Variants in KIFAP3 observed in about 807,000 individuals in gnomAD.
KIFAP3 encodes the protein kinesin associated protein 3.
In KIFAP3, 68 loss-of-function variants were observed where a neutral mutation model predicts 106.5. The ratio of observed to expected loss-of-function variants is 0.64; its 90% CI spans 0.53 to 0.78. The LOEUF is 0.78. Ranked by LOEUF, KIFAP3 falls within the 30% of genes least tolerant of loss-of-function variation. The pLI, the probability that KIFAP3 is intolerant of heterozygous loss-of-function variation, is 0.00. For synonymous variants in KIFAP3, 320 were observed against 311.5 expected (o/e 1.03, Z -0.29); for missense variants, 780 against 941.8 (o/e 0.83, Z 2.25).
At chr1:170,006,533 GATT>G (rs2101975734) in intron 10 of KIFAP3, among the ~76,000 whole-genome samples, 1 of 152,268 alleles carries the variant, frequency 6.6e-6, no homozygotes, top group East Asian at 1.9e-4. Context: ...ATCCAATGAT[GATT>G]AAGTACTATG....
At chr1:169,948,417 C>T (rs574718270) in intron 19 of KIFAP3, among the ~76,000 whole-genome samples, 1 of 151,696 alleles carries the variant, frequency 6.6e-6, no homozygotes, top group Non-Finnish European at 1.5e-5. Context: ...AAACTATGAT[C>T]ATCTTTGGTA....
chr1:170,053,923 A>G (rs1315455344), intron 2 of KIFAP3, among the ~76,000 whole-genome samples: 1 of 152,246 alleles, frequency 6.6e-6, no homozygotes, highest in Non-Finnish European at 1.5e-5. Flanking sequence ...CATTCAGGAC[A>G]TAGGCATGGA....
At position 169,978,091 on chromosome 1, in the gene KIFAP3, C is replaced by A; in HGVS notation, c.1891G>T (p.Glu631Ter). 6.3e-7 allele frequency: 1 copy of A among 1,594,732 alleles called. No individual in the cohort carries two copies. The highest frequency in any genetic ancestry group is 8.6e-7 in the Non-Finnish European group (1 of 1,163,780). The change falls in exon 16 of 20, where the codon GAA becomes TAA. Residue 631 changes from glutamate to a stop codon, truncating the protein, a stop_gained. Coordinates refer to ENST00000361580, the MANE Select transcript of KIFAP3 (RefSeq NM_014970.4). LOFTEE classifies it high-confidence loss of function. ...HQATRDVIIK[E>*]TQAPAYLIDL... ...GTAAACACTGAAAGGATACGTGTTT[C>A]CTTGATTATGACGTCTCTTGTGGCT...
In KIFAP3 at chr1:170,074,287, A is replaced by C. The variant is rs1230715317; in HGVS notation, c.32+149T>G. ...AGAGCTCTCCTTTTTTCTCCACTTC[A>C]CCTTTTCCCTCTCCTTTCGGTGACT... On this transcript the variant is annotated intron_variant, in intron 1 of 19. Coordinates refer to ENST00000361580, the MANE Select transcript of KIFAP3 (RefSeq NM_014970.4). 4.2e-6 allele frequency: 4 copies of C among 941,398 alleles called. No individual in the cohort carries two copies. The East Asian group carries it at 8.0e-5, about 19-fold the overall frequency. 58.3% of individuals were successfully genotyped at this position (941,398 alleles called of 1,614,324 possible). A position where few individuals can be genotyped will look rare whatever the true frequency, so the allele number is the denominator to read the frequency against.
At chr1:169,962,264 G>C (rs1256002325) in intron 17 of KIFAP3, among the ~76,000 whole-genome samples, 1 of 152,128 alleles carries the variant, frequency 6.6e-6, no homozygotes, top group African/African-American at 2.4e-5. Context: ...GTTATTCACT[G>C]ACAGGTGTAT....
At chr1:170,012,320 T>C (rs1039625048) in intron 10 of KIFAP3, among the ~76,000 whole-genome samples, 2 of 152,022 alleles carry the variant, frequency 1.3e-5, no homozygotes, top group African/African-American at 2.4e-5. Context: ...GGTAATAATA[T>C]TTATGGCCCT....
intron 19 of KIFAP3, among the ~76,000 whole-genome samples, chr1:169,935,518 A>AAT (rs898534782): frequency 2.6e-5 from 4 of 152,148 alleles, no homozygotes; most frequent in Middle Eastern, 3.4e-3. Context: ...AAACAGGCTT[A>AAT]ATATATATAA....
At chr1:170,043,056 C>G (rs566411962) in intron 3 of KIFAP3, among the ~76,000 whole-genome samples, 1 of 152,198 alleles carries the variant, frequency 6.6e-6, no homozygotes, top group African/African-American at 2.4e-5. Context: ...GTAACTTTTA[C>G]GTTTAGTAAC....
rs1287239404 is a variant in KIFAP3 at position 169,984,442 on chromosome 1, A to C, written c.1393+140T>G. 3 of 428,874 alleles carry C rather than the reference A, an allele frequency of 7.0e-6. No individual in the cohort carries two copies. In the East Asian group the frequency reaches 1.0e-4, roughly 14 times the overall value. The allele number at this position is 428,874 out of a possible 1,614,324, so 26.6% of individuals were successfully genotyped here. A position where few individuals can be genotyped will look rare whatever the true frequency, so the allele number is the denominator to read the frequency against. On this transcript the variant is annotated intron_variant, in intron 12 of 19. Coordinates refer to ENST00000361580, the MANE Select transcript of KIFAP3 (RefSeq NM_014970.4). ...CGTAAGAATATTCTATCTGACCTTT[A>C]AGGATTATAGCTATAATGAAGAAAT...
intron 10 of KIFAP3, among the ~76,000 whole-genome samples, chr1:169,992,655 A>T (rs1325298805): frequency 6.6e-6 from 1 of 152,146 alleles, no homozygotes; most frequent in Admixed American, 6.5e-5. Context: ...TCTTTCTACA[A>T]ATCAGAAACT....
rs768756098 is a variant in KIFAP3, at chr1:170,074,454, T to C, written c.14A>G (p.Asp5Gly). 2 of 1,613,864 alleles carry C rather than the reference T, an allele frequency of 1.2e-6. No homozygotes were observed. The highest frequency in any genetic ancestry group is 1.7e-6 in the Non-Finnish European group (2 of 1,179,966). The change falls in exon 1 of 20, where the codon GAC becomes GGC. Residue 5 changes from aspartate to glycine, a missense_variant. By Grantham distance (94) the Asp-to-Gly change is moderately conservative. Around this residue, in one of 3 missense-constraint regions of KIFAP3, gnomAD observed 588 missense variants for 678.9 expected, o/e 0.87. Transcript: ENST00000361580. Reference protein sequence around the residue: MQGEDARYLKRKVKG... With the variant: MQGEGARYLKRKVKG... ...TCGTCACCTTTTGAGGTATCTGGCGTCCTCCCCTTGCATGGCGGCAGCGGC... is the reference window on the plus strand; with the variant it reads ...TCGTCACCTTTTGAGGTATCTGGCGCCCTCCCCTTGCATGGCGGCAGCGGC...
At chr1:170,039,017 A>T (rs1669831815) in intron 4 of KIFAP3, among the ~76,000 whole-genome samples, 1 of 152,178 alleles carries the variant, frequency 6.6e-6, no homozygotes, top group Non-Finnish European at 1.5e-5. Context: ...CGGGAGGCGG[A>T]GGTTGTGGTG....
chr1:170,070,765 G>T (rs1557880464), intron 1 of KIFAP3, among the ~76,000 whole-genome samples: 1 of 152,120 alleles, frequency 6.6e-6, no homozygotes. Context: ...TTTAGCAGTG[G>T]TTTCTTAAAT....
intron 10 of KIFAP3, among the ~76,000 whole-genome samples, chr1:169,999,644 C>T (rs1461080125): frequency 6.6e-6 from 1 of 152,180 alleles, no homozygotes; most frequent in Non-Finnish European, 1.5e-5. Context: ...AACTCACTGG[C>T]TATTAAACGC....
At chr1:169,953,118 C>T (rs1664814090) in intron 19 of KIFAP3, among the ~76,000 whole-genome samples, 1 of 152,052 alleles carries the variant, frequency 6.6e-6, no homozygotes. Flanking sequence ...TGTTACACCT[C>T]TAGGAATGAT....
At chr1:170,081,829 A>G (rs77336071) in intron 1 of KIFAP3, among the ~76,000 whole-genome samples, 3,321 of 152,234 alleles carry the variant, frequency 0.022, 114 homozygotes, top group African/African-American at 0.076. Context: ...TACAGGTTCC[A>G]GAGATGGGAT....
intron 7 of KIFAP3, among the ~76,000 whole-genome samples, chr1:170,033,119 T>C (rs981279230): frequency 1.3e-5 from 2 of 151,764 alleles, no homozygotes; most frequent in African/African-American, 4.8e-5. Flanking sequence ...GTTGTTGATG[T>C]AGTTGAGTCA....
chr1:169,946,433 A>AT (rs1459261636), intron 19 of KIFAP3, among the ~76,000 whole-genome samples: 1 of 152,102 alleles, frequency 6.6e-6, no homozygotes, highest in East Asian at 1.9e-4. Flanking sequence ...CTTACTCTGA[A>AT]TTTTAATAAC....
At chr1:170,062,603 T>G (rs989588077) in intron 1 of KIFAP3, among the ~76,000 whole-genome samples, 1 of 152,194 alleles carries the variant, frequency 6.6e-6, no homozygotes, top group African/African-American at 2.4e-5. Flanking sequence ...TGTATATTAT[T>G]TTTGTATTTT....
Sources: allele counts gnomAD v4.1 joint callset (sites outside exome capture counted in the v4.1 genomes callset), GRCh38; gene constraint gnomAD v4.1.1; regional missense constraint gnomAD v4.1.1; transcripts MANE v1.5; gene names NCBI Gene and HGNC (gene_info 2026-07-23, HGNC 2026-07-21).